The following PHF3 variants were observed in gnomAD, a reference collection of about 807,000 sequenced individuals.
PHF3 encodes the protein PHD finger protein 3.
A neutral mutation model predicts 178.4 loss-of-function variants in PHF3; 41 were observed. The observed-to-expected ratio is 0.23, with a 90% CI of 0.18 to 0.30. PHF3 has a LOEUF of 0.30. Among genes scored for constraint, PHF3 ranks in the 10% least tolerant of loss-of-function variants. The pLI, the probability that PHF3 is intolerant of heterozygous loss-of-function variation, is 1.00. For synonymous variants in PHF3, 842 were observed against 800.5 expected (o/e 1.05, Z -0.88); for missense variants, 2,346 against 2,398.1 (o/e 0.98, Z 0.45).
At chr6:63,703,213 G>T (rs966892234) in intron 10 of PHF3, among the ~76,000 whole-genome samples, 1 of 152,158 alleles carries the variant, frequency 6.6e-6, no homozygotes, top group Admixed American at 6.5e-5. Flanking sequence ...TTAGAAATTT[G>T]TAAGTGTTTC....
intron 2 of PHF3, among the ~76,000 whole-genome samples, chr6:63,672,688 C>CT (rs774362636): frequency 2.0e-5 from 3 of 152,048 alleles, no homozygotes; most frequent in Non-Finnish European, 4.4e-5. Flanking sequence ...GAGAAGGACT[C>CT]TACTTCTATA....
intron 2 of PHF3, among the ~76,000 whole-genome samples, chr6:63,660,902 G>A (rs2149555694): frequency 6.6e-6 from 1 of 152,250 alleles, no homozygotes; most frequent in South Asian, 2.1e-4. Context: ...CACTGTGTTT[G>A]TAGGCATCTG....
In PHF3 at chr6:63,698,279, G is replaced by A; in HGVS notation, c.2737G>A (p.Val913Ile). The A allele has an allele frequency of 6.2e-7, 1 of 1,613,044 alleles. No homozygotes were observed. Among genetic ancestry groups the A allele is most frequent in the South Asian group, 1.1e-5 (1 of 90,978 alleles). The change falls in exon 7 of 16, where the codon GTA (valine) becomes ATA (isoleucine). Residue 913 changes from valine to isoleucine, a missense_variant. Transcript: ENST00000262043. ...GAAAGTTGAAAAAGGAGTGCTTAATGTACATCCTGCTGCTTCTGCTTCCAA... is the reference window on the plus strand; with the variant it reads ...GAAAGTTGAAAAAGGAGTGCTTAATATACATCCTGCTGCTTCTGCTTCCAA... ...KKKVEKGVLNVHPAASASKPS... is the reference protein window; with the variant it reads ...KKKVEKGVLNIHPAASASKPS...
In PHF3 at chr6:63,676,969, T is replaced by C. The variant is rs187731839; in HGVS notation, c.245-3031T>C. Among the ~76,000 whole-genome samples, 59 of 152,194 alleles carry C rather than the reference T, an allele frequency of 3.9e-4. No individual in the cohort carries two copies. The East Asian group carries it at 9.7e-3, about 25-fold the overall frequency. ...GCCGATAGCTTGGATGTGTCAGATA[T>C]GGGGAGAGGAGCTAAGGACAGTTCT... On this transcript the variant is annotated intron_variant, in intron 2 of 15. Transcript: ENST00000262043.
chr6:63,682,437 A>G (rs567186864), intron 3 of PHF3, among the ~76,000 whole-genome samples: 3 of 152,160 alleles, frequency 2.0e-5, no homozygotes, highest in South Asian at 4.2e-4. Context: ...TGGTTTCCAA[A>G]ATTTGCTGCT....
chr6:63,637,017 G>C (rs1453428647), intron 1 of PHF3, among the ~76,000 whole-genome samples: 4 of 152,088 alleles, frequency 2.6e-5, no homozygotes. Context: ...GACTAGATTG[G>C]GGTGGTTATT....
At chr6:63,651,240 G>C (rs1055677715) in intron 2 of PHF3, among the ~76,000 whole-genome samples, 1 of 152,000 alleles carries the variant, frequency 6.6e-6, no homozygotes, top group African/African-American at 2.4e-5. Flanking sequence ...CTTTGTGTTA[G>C]GAACATTCAA....
chr6:63,706,694 A>C, intron 12 of PHF3, 35 bp from the exon 13 acceptor site: 1 of 1,601,942 alleles, frequency 6.2e-7, no homozygotes, highest in Non-Finnish European at 8.5e-7. Flanking sequence ...TTTATTCATC[A>C]GCTTGTCTTT....
intron 1 of PHF3, among the ~76,000 whole-genome samples, chr6:63,639,097 C>T (rs1480857373): frequency 1.3e-5 from 2 of 151,982 alleles, no homozygotes; most frequent in Non-Finnish European, 2.9e-5. Context: ...CAATTATTGT[C>T]CTGCATAATG....
chr6:63,655,075 A>ATTC (rs1433730156), intron 2 of PHF3, among the ~76,000 whole-genome samples: 1 of 151,190 alleles, frequency 6.6e-6, no homozygotes, highest in Non-Finnish European at 1.5e-5. Context: ...TATTATTATT[A>ATTC]TTTTTGAGAC....
intron 2 of PHF3, among the ~76,000 whole-genome samples, chr6:63,659,669 A>G (rs940684554): frequency 2.0e-5 from 3 of 152,156 alleles, no homozygotes; most frequent in African/African-American, 4.8e-5. Flanking sequence ...ATTTTTTGGT[A>G]TTTGCATTAT....
chr6:63,673,849 G>C (rs1250650277), intron 2 of PHF3, among the ~76,000 whole-genome samples: 1 of 152,136 alleles, frequency 6.6e-6, no homozygotes, highest in Non-Finnish European at 1.5e-5. Context: ...AACTATAAAG[G>C]TAAGGGAGTT....
Position 63,706,719 on chromosome 6 carries a change from C to A in PHF3, c.3564-10C>A. ...AGCTTGTCTTTAGGCTTTTTAATGT[C>A]ATTTTCTAGTCCAGAGATGCCTGGA... On this transcript the variant is annotated splice_polypyrimidine_tract_variant and intron_variant, in intron 12 of 15. Coordinates refer to ENST00000262043, the MANE Select transcript of PHF3 (RefSeq NM_001370348.2). 1 of 1,611,036 alleles carries A rather than the reference C, an allele frequency of 6.2e-7. No homozygotes were observed. Among genetic ancestry groups the A allele is most frequent in the Non-Finnish European group, 8.5e-7 (1 of 1,178,584 alleles).
At chr6:63,668,927 T>C (rs1265895398) in intron 2 of PHF3, among the ~76,000 whole-genome samples, 1 of 152,212 alleles carries the variant, frequency 6.6e-6, no homozygotes, top group African/African-American at 2.4e-5. Flanking sequence ...AATTTCAGTA[T>C]AAGATTTCTT....
Position 63,684,845 on chromosome 6 carries a change from T to C in PHF3, c.1123T>C (p.Leu375=), listed in dbSNP as rs1312418842. Residue 375 remains leucine, a synonymous_variant, in exon 4 of 16, where the codon TTG becomes CTG. Coordinates refer to ENST00000262043, the MANE Select transcript of PHF3 (RefSeq NM_001370348.2). ...SCVDEVTECN[L]ELKDTMGIAD... ...TGTAGATGAAGTGACTGAATGTAAT[T>C]TGGAATTGAAGGATACCATGGGTAT... 1.2e-6 allele frequency: 2 copies of C among 1,613,024 alleles called. No homozygotes were observed.
At chr6:63,648,013 T>G (rs1365962573) in intron 2 of PHF3, among the ~76,000 whole-genome samples, 1 of 152,274 alleles carries the variant, frequency 6.6e-6, no homozygotes, top group South Asian at 2.1e-4. Context: ...ATACTTAAAG[T>G]TGGGAATAGG....
Position 63,686,074 on chromosome 6 carries a change from A to T in PHF3, c.2189+163A>T, listed in dbSNP as rs552420250. 93 of 571,762 alleles carry T rather than the reference A, an allele frequency of 1.6e-4. No individual in the cohort carries two copies. In the East Asian group the frequency reaches 2.7e-3, roughly 16 times the overall value. The allele number at this position is 571,762 out of a possible 1,614,324, so 35.4% of individuals were successfully genotyped here. On this transcript the variant is annotated intron_variant, in intron 4 of 15. Transcript: ENST00000262043. ...TCTTGGATAAATGATAGAAAGATGGATCTACTGAATTTACAAATATATCAT... is the reference window on the plus strand; with the variant it reads ...TCTTGGATAAATGATAGAAAGATGGTTCTACTGAATTTACAAATATATCAT...
At chr6:63,703,467 T>C in intron 10 of PHF3, 69 bp from the exon 11 acceptor site, 1 of 1,458,702 alleles carries the variant, frequency 6.9e-7, no homozygotes, top group South Asian at 1.3e-5. Flanking sequence ...ATGGAAAATA[T>C]AAATTGATTT....
chr6:63,713,481 G>A lies in PHF3; in HGVS notation c.5893G>A (p.Gly1965Arg), dbSNP rs1423682759. The A allele has an allele frequency of 6.2e-7, 1 of 1,613,736 alleles. No homozygotes were observed. The highest frequency in any genetic ancestry group is 8.5e-7 in the Non-Finnish European group (1 of 1,179,938). Residue 1965 changes from glycine to arginine, a missense_variant, in exon 16 of 16, where the codon GGG becomes AGG. Gly to Arg is a moderately radical substitution (Grantham distance 125). Transcript: ENST00000262043. ...KDRDRKSREE[G>R]HKDKERARLS... ...CAGAGACAGAAAAAGCAGGGAGGAAGGGCACAAAGATAAAGAGAGGGCACG... is the reference window on the plus strand; with the variant it reads ...CAGAGACAGAAAAAGCAGGGAGGAAAGGCACAAAGATAAAGAGAGGGCACG...
Sources: gnomAD v4.1 joint callset for allele counts (sites outside exome capture counted in the v4.1 genomes callset) on GRCh38, gnomAD v4.1.1 for gene constraint, MANE v1.5 for transcripts, NCBI Gene and HGNC (gene_info 2026-07-23, HGNC 2026-07-21) for gene names.